ZC3H6: variants seen among roughly 807,000 people sequenced by gnomAD.
ZC3H6 encodes the protein zinc finger CCCH domain-containing protein 6.
ZC3H6 carries 40 observed loss-of-function variants against 107.7 expected under a neutral mutation model. That is an observed-to-expected ratio of 0.37 (90% CI 0.29 to 0.48). The LOEUF is 0.48. Among genes scored for constraint, ZC3H6 ranks in the 20% least tolerant of loss-of-function variants. ZC3H6 has a pLI of 0.98. For missense variants in ZC3H6, 1,267 were observed against 1,410.4 expected, an observed-to-expected ratio of 0.90 and a Z score of 1.63; for synonymous variants, 493 against 487.9, an observed-to-expected ratio of 1.01 and a Z score of -0.14.
chr2:112,289,194 C>T (rs1473636751), intron 1 of ZC3H6, among the ~76,000 whole-genome samples: 4 of 151,536 alleles, frequency 2.6e-5, no homozygotes, highest in Non-Finnish European at 4.4e-5. Context: ...TTAGTAGAGA[C>T]GGGGTTTCAC....
chr2:112,325,043 T>G lies in ZC3H6; in HGVS notation c.1932T>G (p.Asp644Glu), dbSNP rs547407869. 1 of 1,613,806 alleles carries G rather than the reference T, an allele frequency of 6.2e-7. No individual in the cohort carries two copies. Among genetic ancestry groups the G allele is most frequent in the Non-Finnish European group, 8.5e-7 (1 of 1,179,806 alleles). ...QDSPNHGSGSDGSSTRTGHGP... is the reference protein window; with the variant it reads ...QDSPNHGSGSEGSSTRTGHGP... ...CACCTAACCATGGGAGTGGGTCTGA[T>G]GGCAGCAGCACTAGGACAGGCCATG... Residue 644 changes from aspartate to glutamate, a missense_variant, in exon 11 of 12, where the codon GAT (aspartate) becomes GAG (glutamate). This residue lies in a region of ZC3H6 where 925 missense variants were observed against 1,025.7 expected (regional missense o/e 0.90). Transcript: ENST00000409871.
At position 112,299,830 on chromosome 2, in the gene ZC3H6, T is replaced by C; in HGVS notation, c.33-19T>C. The C allele has an allele frequency of 7.3e-7, 1 of 1,363,388 alleles. No homozygotes were observed. The highest frequency in any genetic ancestry group is 9.5e-7 in the Non-Finnish European group (1 of 1,050,330). The allele number at this position is 1,363,388 out of a possible 1,614,324, so 84.5% of individuals were successfully genotyped here. A position where few individuals can be genotyped will look rare whatever the true frequency, so the allele number is the denominator to read the frequency against. ...TTGTTTTAGAATGATATTTGAAAAT[T>C]AAAATTTTCCTTCTATAGAGAAGAT... On this transcript the variant is annotated intron_variant, in intron 1 of 11. Coordinates refer to ENST00000409871, the MANE Select transcript of ZC3H6 (RefSeq NM_198581.3).
In ZC3H6 at chr2:112,332,275, G is replaced by A. The variant is rs371037010; in HGVS notation, c.3357G>A (p.Arg1119=). ...CTGACCCACAGGCGGACGTTCCCAGGAGTTCTGGTAAGGTTCAGGTCCCAG... is the reference window on the plus strand; with the variant it reads ...CTGACCCACAGGCGGACGTTCCCAGAAGTTCTGGTAAGGTTCAGGTCCCAG... The part of the protein sequence containing the change: ...GPADPQADVP[R]SSGKVQVPAV... The change falls in exon 12 of 12, where the codon AGG becomes AGA. Residue 1119 remains arginine, a synonymous_variant. Transcript: ENST00000409871. 3 of 1,613,928 alleles carry A rather than the reference G, an allele frequency of 1.9e-6. No individual in the cohort carries two copies. The highest frequency in any genetic ancestry group is 1.7e-6 in the Non-Finnish European group (2 of 1,179,878).
rs1455392162 is a variant in ZC3H6, at chr2:112,338,891, A to T, written c.*6403A>T. The T allele has an allele frequency of 1.6e-4, 3 of 18,592 alleles. No homozygotes were observed. The highest frequency in any genetic ancestry group is 7.0e-4 in the African/African-American group (1 of 1,424). 1.2% of individuals were successfully genotyped at this position (18,592 alleles called of 1,614,324 possible). A position where few individuals can be genotyped will look rare whatever the true frequency, so the allele number is the denominator to read the frequency against. ...TATATATATATATATATATATATAT[A>T]TATATATATATATATATATATAATT... On this transcript the variant is annotated 3_prime_UTR_variant, in exon 12 of 12. Coordinates refer to ENST00000409871, the MANE Select transcript of ZC3H6 (RefSeq NM_198581.3).
intron 1 of ZC3H6, 90 bp downstream of exon 1, chr2:112,276,116 G>A (rs1433359909): frequency 8.6e-7 from 1 of 1,165,680 alleles, no homozygotes; most frequent in Non-Finnish European, 1.2e-6. Context: ...CCTCCTGCAT[G>A]ACCTAGACGT....
rs966378466 is a variant in ZC3H6, at chr2:112,311,921, C to A, written c.731C>A (p.Ser244Ter). Residue 244 changes from serine to a stop codon, truncating the protein, a stop_gained, in exon 5 of 12, where the codon TCG becomes TAG. Transcript: ENST00000409871. LOFTEE classifies it high-confidence loss of function. The part of the protein sequence containing the change: ...TNKGPNVFSV[S>*]DDFQEYNKPG... ...AAAGGGCCTAATGTGTTTTCAGTAT[C>A]GGATGACTTTCAAGAGGTACTAAGA... 6.2e-7 allele frequency: 1 copy of A among 1,611,546 alleles called. No homozygotes were observed. Among genetic ancestry groups the A allele is most frequent in the Non-Finnish European group, 8.5e-7 (1 of 1,178,638 alleles).
chr2:112,323,065 C>T (rs1676836433), intron 9 of ZC3H6, among the ~76,000 whole-genome samples, 163 bp downstream of exon 9: 1 of 152,124 alleles, frequency 6.6e-6, no homozygotes, highest in Admixed American at 6.6e-5. Context: ...TTTCGGTTCC[C>T]ACCTGCTGCT....
At chr2:112,328,666 C>T (rs139343152) in intron 11 of ZC3H6, among the ~76,000 whole-genome samples, 19,047 of 152,164 alleles carry the variant, frequency 0.13, 1,354 homozygotes, top group Non-Finnish European at 0.16. Context: ...TTCAGCCGGG[C>T]GCAGTGGCTC....
chr2:112,288,884 C>T (rs1676008714), intron 1 of ZC3H6, among the ~76,000 whole-genome samples: 1 of 152,178 alleles, frequency 6.6e-6, no homozygotes, highest in Non-Finnish European at 1.5e-5. Flanking sequence ...ACCTACCTCA[C>T]TATATTCCAC....
chr2:112,299,357 C>T (rs964032648), intron 1 of ZC3H6, among the ~76,000 whole-genome samples: 17 of 151,852 alleles, frequency 1.1e-4, no homozygotes, highest in Admixed American at 7.2e-4. Flanking sequence ...GATCCTCTTT[C>T]GCCAAGGGCA....
intron 1 of ZC3H6, among the ~76,000 whole-genome samples, chr2:112,285,187 G>C (rs1048913399): frequency 6.6e-6 from 1 of 151,650 alleles, no homozygotes; most frequent in Non-Finnish European, 1.5e-5. Flanking sequence ...ACTTTCTTTC[G>C]TACATAAATA....
intron 11 of ZC3H6, among the ~76,000 whole-genome samples, chr2:112,329,636 T>G (rs1676983224): frequency 6.6e-6 from 1 of 152,226 alleles, no homozygotes; most frequent in African/African-American, 2.4e-5. Context: ...ACTAACCCTG[T>G]AACACTAAAG....
At chr2:112,301,292 C>T (rs1185104033) in intron 2 of ZC3H6, among the ~76,000 whole-genome samples, 1 of 152,162 alleles carries the variant, frequency 6.6e-6, no homozygotes, top group African/African-American at 2.4e-5. Flanking sequence ...ATGAATCAAC[C>T]AAATTCCTTT....
chr2:112,284,992 ATAAT>A (rs1277922743), intron 1 of ZC3H6, among the ~76,000 whole-genome samples: 3 of 152,350 alleles, frequency 2.0e-5, no homozygotes, highest in South Asian at 2.1e-4. Flanking sequence ...TTTGTTTAGT[ATAAT>A]TAATACTGGT....
rs753407628 is a variant in ZC3H6, at chr2:112,324,467, C to T, written c.1656C>T (p.His552=). The change falls in exon 10 of 12, where the codon CAC becomes CAT. Residue 552 remains histidine (H), a synonymous_variant. Transcript: ENST00000409871. ...CACCAAGTATGGGTGGGGCTTACCA[C>T]TCCCCAGGCTTTCCAGGACATGTGA... ...LTPPSMGGAY[H]SPGFPGHVMK... is the part of the protein sequence containing the mutation. 10 of 1,613,924 alleles carry T rather than the reference C, an allele frequency of 6.2e-6. No individual in the cohort carries two copies. The highest frequency in any genetic ancestry group is 5.0e-5 in the Admixed American group (3 of 60,020).
chr2:112,325,224 T>G (rs770405405), intron 11 of ZC3H6, 27 bp downstream of exon 11: 1 of 1,606,924 alleles, frequency 6.2e-7, no homozygotes, highest in Non-Finnish European at 8.5e-7. Context: ...TAATAGCATC[T>G]TACCTATTTG....
chr2:112,331,970 T>C lies in ZC3H6; in HGVS notation c.3052T>C (p.Ser1018Pro). ...AGGGGCAGGAACTAGCAATTCTGGT[T>C]CCGGGGCTCTGCCTCCATATGCCCC... ...PSGAGTSNSGSGALPPYAPKL... is the reference protein window; with the variant it reads ...PSGAGTSNSGPGALPPYAPKL... The change falls in exon 12 of 12, where the codon TCC (serine) becomes CCC (proline). Residue 1018 changes from serine (S) to proline (P), a missense_variant. Around this residue, in one of 3 missense-constraint regions of ZC3H6, gnomAD observed 925 missense variants for 1,025.7 expected, o/e 0.90. Transcript: ENST00000409871. The C allele has an allele frequency of 6.2e-7, 1 of 1,614,006 alleles. No individual in the cohort carries two copies. The highest frequency in any genetic ancestry group is 8.5e-7 in the Non-Finnish European group (1 of 1,179,882).
chr2:112,332,987 A>G lies in ZC3H6; in HGVS notation c.*499A>G, dbSNP rs1357405229. The G allele has an allele frequency of 4.6e-5, 7 of 152,794 alleles. No homozygotes were observed. Among genetic ancestry groups the G allele is most frequent in the South Asian group, 2.1e-4 (1 of 4,842 alleles). The allele number at this position is 152,794 out of a possible 1,614,324, so 9.5% of individuals were successfully genotyped here. A position where few individuals can be genotyped will look rare whatever the true frequency, so the allele number is the denominator to read the frequency against. ...GTAAAGAAAACATTTTAAAATTACA[A>G]TTAGCAGAGCAGTTCATGTTTAAGG... On this transcript the variant is annotated 3_prime_UTR_variant, in exon 12 of 12. Coordinates refer to ENST00000409871, the MANE Select transcript of ZC3H6 (RefSeq NM_198581.3).
At position 112,333,503 on chromosome 2, in the gene ZC3H6, G is replaced by A. The variant is rs555403792; in HGVS notation, c.*1015G>A. 11 of 152,256 alleles carry A rather than the reference G, an allele frequency of 7.2e-5. No homozygotes were observed. Among genetic ancestry groups the A allele is most frequent in the African/African-American group, 2.7e-4 (11 of 41,494 alleles). 9.4% of individuals were successfully genotyped at this position (152,256 alleles called of 1,614,324 possible). A position where few individuals can be genotyped will look rare whatever the true frequency, so the allele number is the denominator to read the frequency against. On this transcript the variant is annotated 3_prime_UTR_variant, in exon 12 of 12. Coordinates refer to ENST00000409871, the MANE Select transcript of ZC3H6 (RefSeq NM_198581.3). The stretch of plus-strand genomic sequence containing the variant: ...AAAGAATCTCTTTAAGATCTCACCC[G>A]GCTGGCATTCTGTAACAGAGGGGAT...
Sources: gnomAD v4.1 joint callset for allele counts (sites outside exome capture counted in the v4.1 genomes callset) on GRCh38, gnomAD v4.1.1 for gene constraint, gnomAD v4.1.1 regional missense constraint, MANE v1.5 for transcripts, NCBI Gene and HGNC (gene_info 2026-07-23, HGNC 2026-07-21) for gene names.